ARMH4: variants seen among roughly 807,000 people sequenced by gnomAD.
ARMH4 encodes the protein armadillo-like helical domain-containing protein 4.
ARMH4 carries 49 observed loss-of-function variants against 61.9 expected under a neutral mutation model. The observed-to-expected ratio is 0.79, with a 90% CI of 0.63 to 1.00. The LOEUF (loss-of-function observed/expected upper bound fraction) is 1.00, where lower values mean the gene tolerates loss of function less well. ARMH4 is among the 50% of genes least tolerant of loss of function. ARMH4 has a pLI of 0.00. For synonymous variants in ARMH4, 368 were observed against 341.5 expected (o/e 1.08, Z -0.85); for missense variants, 934 against 930.0 (o/e 1.00, Z -0.06).
chr14:58,151,512 G>A (rs1308843390), intron 1 of ARMH4, among the ~76,000 whole-genome samples: 1 of 152,118 alleles, frequency 6.6e-6, no homozygotes, highest in East Asian at 1.9e-4. Context: ...GAGCAAGGAG[G>A]CTCGACATCT....
chr14:58,067,343 T>TG (rs1884737145), intron 5 of ARMH4, among the ~76,000 whole-genome samples: 1 of 152,192 alleles, frequency 6.6e-6, no homozygotes, highest in Admixed American at 6.5e-5. Flanking sequence ...TCTGCCCTCC[T>TG]GGAGCTTCCA....
chr14:58,132,125 T>G (rs902628858), intron 3 of ARMH4, among the ~76,000 whole-genome samples: 2 of 152,074 alleles, frequency 1.3e-5, no homozygotes, highest in Non-Finnish European at 2.9e-5. Context: ...AGTCATAGAG[T>G]AAGAGCCTAG....
chr14:58,095,598 T>G (rs559450362), intron 5 of ARMH4, among the ~76,000 whole-genome samples: 1 of 152,308 alleles, frequency 6.6e-6, no homozygotes, highest in African/African-American at 2.4e-5. Flanking sequence ...GCATGCTGAA[T>G]TTGGCCAGAA....
At chr14:58,090,433 C>G (rs1885518346) in intron 5 of ARMH4, among the ~76,000 whole-genome samples, 1 of 152,146 alleles carries the variant, frequency 6.6e-6, no homozygotes, top group African/African-American at 2.4e-5. Flanking sequence ...CACGTGGTAA[C>G]TGCCCTCTGG....
intron 3 of ARMH4, among the ~76,000 whole-genome samples, 167 bp from the exon 4 acceptor site, chr14:58,131,888 C>G (rs1887121977): frequency 6.6e-6 from 1 of 152,176 alleles, no homozygotes; most frequent in African/African-American, 2.4e-5. Flanking sequence ...AATCCAACTC[C>G]CCAAAGCAAA....
chr14:58,114,899 T>C (rs182332947), intron 4 of ARMH4, among the ~76,000 whole-genome samples: 114 of 152,250 alleles, frequency 7.5e-4, no homozygotes, highest in Middle Eastern at 3.4e-3. Flanking sequence ...ATGCAGAAGA[T>C]TGAAACCGGC....
rs1438102225 is a variant in ARMH4 at position 58,138,590 on chromosome 14, G to T, written c.769C>A (p.Pro257Thr). 3.1e-6 allele frequency: 5 copies of T among 1,614,092 alleles called. No individual in the cohort carries two copies. Among genetic ancestry groups the T allele is most frequent in the East Asian group, 2.2e-5 (1 of 44,890 alleles). The stretch of plus-strand genomic sequence containing the variant: ...GTGTTATCAGCTGTCATCTGCGAAG[G>T]CTTCTCCTTATCAGGGGTGAGGCTT... ...PGSLTPDKEK[P>T]SQMTADNTQA... The change falls in exon 2 of 8, where the codon CCT becomes ACT. Residue 257 changes from proline to threonine, a missense_variant. Transcript: ENST00000267485.
At chr14:58,042,383 G>C (rs867333206) in intron 5 of ARMH4, among the ~76,000 whole-genome samples, 3 of 152,142 alleles carry the variant, frequency 2.0e-5, no homozygotes, top group African/African-American at 7.2e-5. Context: ...CAGAAATAAA[G>C]ATGTTCTTTA....
chr14:58,032,530 G>T (rs930942542), intron 5 of ARMH4, among the ~76,000 whole-genome samples: 2 of 152,130 alleles, frequency 1.3e-5, no homozygotes, highest in African/African-American at 4.8e-5. Flanking sequence ...AACATTTAAA[G>T]AAATACTTAG....
intron 5 of ARMH4, among the ~76,000 whole-genome samples, chr14:58,031,957 GA>G (rs1448699418): frequency 1.3e-5 from 2 of 152,002 alleles, no homozygotes; most frequent in Non-Finnish European, 2.9e-5. Flanking sequence ...CTGCCCTCAG[GA>G]AAAAGTCTGA....
At chr14:58,051,807 T>C (rs1257907093) in intron 5 of ARMH4, among the ~76,000 whole-genome samples, 6 of 152,186 alleles carry the variant, frequency 3.9e-5, no homozygotes, top group Non-Finnish European at 8.8e-5. Context: ...GTCTTCACTT[T>C]GCATCAGGAA....
At chr14:58,018,636 G>A (rs1882703206) in intron 5 of ARMH4, among the ~76,000 whole-genome samples, 1 of 152,160 alleles carries the variant, frequency 6.6e-6, no homozygotes. Context: ...GGTTTGGCCA[G>A]GATGTAAAGA....
At chr14:58,144,301 T>C (rs765062324) in intron 1 of ARMH4, among the ~76,000 whole-genome samples, 86 of 152,050 alleles carry the variant, frequency 5.7e-4, no homozygotes, top group Non-Finnish European at 1.0e-3. Flanking sequence ...CAGTGGCTCA[T>C]ACCTGTAGTC....
chr14:58,102,810 T>A, intron 4 of ARMH4, among the ~76,000 whole-genome samples: 1 of 83,174 alleles, frequency 1.2e-5, no homozygotes, highest in Non-Finnish European at 2.2e-5. Flanking sequence ...AGAGCGAGAC[T>A]CCGTCTCAAA....
At chr14:58,073,808 C>A (rs1431105736) in intron 5 of ARMH4, among the ~76,000 whole-genome samples, 1 of 152,162 alleles carries the variant, frequency 6.6e-6, no homozygotes, top group Non-Finnish European at 1.5e-5. Flanking sequence ...GCTCTTGGAG[C>A]AAGTTATGAA....
intron 5 of ARMH4, among the ~76,000 whole-genome samples, chr14:58,039,988 A>T (rs748072239): frequency 3.3e-5 from 5 of 152,174 alleles, no homozygotes; most frequent in Non-Finnish European, 7.3e-5. Context: ...TACAACAATA[A>T]CATAAAAAGT....
At chr14:58,118,742 T>G (rs2141300168) in intron 4 of ARMH4, among the ~76,000 whole-genome samples, 1 of 152,316 alleles carries the variant, frequency 6.6e-6, no homozygotes, top group East Asian at 1.9e-4. Context: ...ATTCATTTTC[T>G]GTTTCTTTCA....
chr14:58,090,794 C>T (rs574990758), intron 5 of ARMH4, among the ~76,000 whole-genome samples: 36 of 150,236 alleles, frequency 2.4e-4, no homozygotes, highest in Admixed American at 4.7e-4. Context: ...GCAGGAGAAT[C>T]GCTTGAACCC....
intron 5 of ARMH4, among the ~76,000 whole-genome samples, chr14:58,087,453 C>T (rs1277725918): frequency 2.0e-5 from 3 of 152,120 alleles, no homozygotes; most frequent in Non-Finnish European, 4.4e-5. Flanking sequence ...TGGACTATAG[C>T]GACACTCAAC....
Sources: gnomAD v4.1 joint callset for allele counts (sites outside exome capture counted in the v4.1 genomes callset) on GRCh38, gnomAD v4.1.1 for gene constraint, MANE v1.5 for transcripts, NCBI Gene and HGNC (gene_info 2026-07-23, HGNC 2026-07-21) for gene names.